ARFIP1: variants seen among roughly 807,000 people sequenced by gnomAD.
ARFIP1 encodes arfaptin-1.
ARFIP1 carries 24 observed loss-of-function variants against 42.5 expected under a neutral mutation model. The observed-to-expected ratio is 0.57, with a 90% CI of 0.41 to 0.80. The LOEUF is 0.80. Among genes scored for constraint, ARFIP1 ranks in the 30% least tolerant of loss-of-function variants. The probability of loss-of-function intolerance (pLI) is 0.00; values close to 1 mark genes in which losing one functional copy is unlikely to be tolerated. For missense variants in ARFIP1, 354 were observed against 434.0 expected (o/e 0.82, Z 1.64); for synonymous variants, 141 against 153.7 (o/e 0.92, Z 0.61).
chr4:152,796,136 T>C, intron 1 of ARFIP1: 10 of 748,322 alleles, frequency 1.3e-5, no homozygotes, highest in Non-Finnish European at 2.5e-6. Context: ...TTTCCCCAAA[T>C]AACTTTGCCT....
At chr4:152,816,727 A>G (rs952867856) in intron 1 of ARFIP1, among the ~76,000 whole-genome samples, 6 of 152,246 alleles carry the variant, frequency 3.9e-5, no homozygotes, top group African/African-American at 1.4e-4. Flanking sequence ...CTGAAATTGT[A>G]CCTAGCACAT....
intron 8 of ARFIP1, among the ~76,000 whole-genome samples, chr4:152,908,630 C>G (rs1738570362): frequency 6.6e-6 from 1 of 152,026 alleles, no homozygotes; most frequent in Non-Finnish European, 1.5e-5. Flanking sequence ...AAAAGAAATT[C>G]TAAATTTTAA....
chr4:152,858,779 T>C (rs1733639469), intron 2 of ARFIP1, among the ~76,000 whole-genome samples: 1 of 152,126 alleles, frequency 6.6e-6, no homozygotes, highest in African/African-American at 2.4e-5. Context: ...TAAACAAATA[T>C]ACACATAATA....
chr4:152,881,102 C>T lies in ARFIP1; in HGVS notation c.551C>T (p.Thr184Ile). The part of the protein sequence containing the change: ...NILKLAQTLS[T>I]QLFQMVHTQR... ...TTAAAACTGGCTCAAACATTGTCGA[C>T]CCAGCTTTTCCAGATGGTACATACC... Residue 184 changes from threonine to isoleucine, a missense_variant, in exon 6 of 9, where the codon ACC (threonine) becomes ATC (isoleucine). By Grantham distance (89) the Thr-to-Ile change is moderately conservative. Coordinates refer to ENST00000353617, the MANE Select transcript of ARFIP1 (RefSeq NM_001025595.3). 6.2e-7 allele frequency: 1 copy of T among 1,613,756 alleles called. No individual in the cohort carries two copies. The highest frequency in any genetic ancestry group is 8.5e-7 in the Non-Finnish European group (1 of 1,179,742).
chr4:152,841,039 C>CT (rs200170826), intron 2 of ARFIP1, among the ~76,000 whole-genome samples: 10 of 145,198 alleles, frequency 6.9e-5, no homozygotes, highest in South Asian at 2.2e-4. Context: ...TCTTCTGTAT[C>CT]TTTTTTTTTT....
intron 1 of ARFIP1, among the ~76,000 whole-genome samples, chr4:152,818,498 C>T (rs1730091779): frequency 6.6e-6 from 1 of 152,194 alleles, no homozygotes; most frequent in Non-Finnish European, 1.5e-5. Flanking sequence ...CACAGGGGAC[C>T]TCATGTCAGC....
At chr4:152,866,865 C>T (rs1377789190) in intron 3 of ARFIP1, among the ~76,000 whole-genome samples, 1 of 151,310 alleles carries the variant, frequency 6.6e-6, no homozygotes, top group African/African-American at 2.4e-5. Flanking sequence ...GACGGGGCGG[C>T]GGGGCAGAGG....
At chr4:152,909,698 T>C (rs1738677721) in intron 8 of ARFIP1, among the ~76,000 whole-genome samples, 1 of 152,230 alleles carries the variant, frequency 6.6e-6, no homozygotes, top group South Asian at 2.1e-4. Context: ...TATTCATACA[T>C]TGTGTAGCAA....
At chr4:152,821,002 TA>T (rs1029732035) in intron 1 of ARFIP1, among the ~76,000 whole-genome samples, 1 of 151,932 alleles carries the variant, frequency 6.6e-6, no homozygotes, top group Non-Finnish European at 1.5e-5. Context: ...CAATAAAAAA[TA>T]AATTCAAAAA....
intron 8 of ARFIP1, among the ~76,000 whole-genome samples, chr4:152,900,264 C>T (rs773456384): frequency 2.6e-5 from 4 of 152,120 alleles, no homozygotes; most frequent in Non-Finnish European, 4.4e-5. Flanking sequence ...AAAATCTCCG[C>T]ACTCAGAATG....
intron 8 of ARFIP1, among the ~76,000 whole-genome samples, chr4:152,897,107 C>T (rs918000713): frequency 1.3e-5 from 2 of 152,180 alleles, no homozygotes; most frequent in African/African-American, 2.4e-5. Flanking sequence ...CCTCCTTTCT[C>T]TCTTTAGAAA....
chr4:152,908,917 TG>T (rs1738610453), intron 8 of ARFIP1, among the ~76,000 whole-genome samples: 1 of 151,454 alleles, frequency 6.6e-6, no homozygotes, highest in African/African-American at 2.4e-5. Flanking sequence ...TGTGTGTGTG[TG>T]TGTGTGTGTG....
intron 2 of ARFIP1, among the ~76,000 whole-genome samples, chr4:152,832,565 A>G (rs1016408668): frequency 6.6e-6 from 1 of 152,134 alleles, no homozygotes; most frequent in Non-Finnish European, 1.5e-5. Context: ...TCTTTTGATG[A>G]ACAGAAGTTG....
intron 8 of ARFIP1, among the ~76,000 whole-genome samples, chr4:152,898,053 G>A (rs966708101): frequency 2.8e-5 from 4 of 142,028 alleles, no homozygotes; most frequent in Admixed American, 7.7e-5. Context: ...GCGCAATCTC[G>A]GCTCACTGCA....
chr4:152,845,783 G>A (rs1732489749), intron 2 of ARFIP1, among the ~76,000 whole-genome samples: 1 of 152,214 alleles, frequency 6.6e-6, no homozygotes, highest in African/African-American at 2.4e-5. Flanking sequence ...GTGGAAAGCA[G>A]TTTGGAGATT....
intron 7 of ARFIP1, among the ~76,000 whole-genome samples, chr4:152,887,397 T>G (rs1023414235): frequency 6.6e-6 from 1 of 151,922 alleles, no homozygotes; most frequent in African/African-American, 2.4e-5. Flanking sequence ...TCATCTAGAG[T>G]TGTGTTGTCA....
chr4:152,884,165 C>A (rs1736083319), intron 7 of ARFIP1, among the ~76,000 whole-genome samples: 1 of 151,836 alleles, frequency 6.6e-6, no homozygotes, highest in Admixed American at 6.6e-5. Context: ...GTATGAGATT[C>A]TTATTGACTT....
At chr4:152,838,166 TTTGGTGATGGCTTA>T (rs2149853722) in intron 2 of ARFIP1, among the ~76,000 whole-genome samples, 1 of 152,314 alleles carries the variant, frequency 6.6e-6, no homozygotes, top group East Asian at 1.9e-4. Flanking sequence ...ACCACACTGT[TTTGGTGATGGCTTA>T]TAGTATAGTT....
intron 1 of ARFIP1, among the ~76,000 whole-genome samples, chr4:152,792,756 G>C (rs1479542882): frequency 5.9e-5 from 9 of 151,974 alleles, no homozygotes; most frequent in Non-Finnish European, 1.2e-4. Context: ...CTAAAATTTG[G>C]GAAATGATCT....
Sources: allele counts gnomAD v4.1 joint callset (sites outside exome capture counted in the v4.1 genomes callset), GRCh38; gene constraint gnomAD v4.1.1; transcripts MANE v1.5; gene names NCBI Gene and HGNC (gene_info 2026-07-23, HGNC 2026-07-21).